The following ITPR1 variants were observed in gnomAD, a reference collection of about 807,000 sequenced individuals.
ITPR1 encodes inositol 1,4,5-trisphosphate receptor type 1.
Under a neutral mutation model 318.4 loss-of-function variants are expected in ITPR1, and 96 were observed. That is an observed-to-expected ratio of 0.30 (90% CI 0.26 to 0.36). The LOEUF (loss-of-function observed/expected upper bound fraction) is 0.36, where lower values mean the gene tolerates loss of function less well. ITPR1 is among the 10% of genes least tolerant of loss of function. The probability of loss-of-function intolerance (pLI) is 1.00; values close to 1 mark genes in which losing one functional copy is unlikely to be tolerated. For missense variants in ITPR1, 2,440 were observed against 3,460.2 expected, an observed-to-expected ratio of 0.71 and a Z score of 7.40; for synonymous variants, 1,312 against 1,289.9, an observed-to-expected ratio of 1.02 and a Z score of -0.37.
chr3:4,707,684 C>T (rs932258371), intron 37 of ITPR1, among the ~76,000 whole-genome samples: 1 of 152,054 alleles, frequency 6.6e-6, no homozygotes, highest in African/African-American at 2.4e-5. Context: ...GTGGTATAGC[C>T]ATCTTAGGAA....
intron 47 of ITPR1, among the ~76,000 whole-genome samples, chr3:4,776,672 C>T (rs1002254654): frequency 3.3e-5 from 5 of 152,144 alleles, no homozygotes; most frequent in Admixed American, 3.3e-4. Context: ...AAAAATACAA[C>T]AGGCTTGGGG....
intron 4 of ITPR1, among the ~76,000 whole-genome samples, chr3:4,532,862 T>TA (rs1339818828): frequency 2.0e-5 from 3 of 152,216 alleles, no homozygotes; most frequent in Non-Finnish European, 4.4e-5. Context: ...TAATTCTGAC[T>TA]ATTAGTGCTG....
At position 4,662,259 on chromosome 3, in the gene ITPR1, G is replaced by A. The variant is rs750743749; in HGVS notation, c.1412+17G>A. 1.3e-6 allele frequency: 2 copies of A among 1,564,880 alleles called. No individual in the cohort carries two copies. The highest frequency in any genetic ancestry group is 1.7e-6 in the Non-Finnish European group (2 of 1,153,662). On this transcript the variant is annotated intron_variant, in intron 15 of 61. Transcript: ENST00000649015. ...TGAAAGGAGGTGAGCACTCCCGCATGCTCAGCACAGCCGCCCTCCCGCACT... is the reference window on the plus strand; with the variant it reads ...TGAAAGGAGGTGAGCACTCCCGCATACTCAGCACAGCCGCCCTCCCGCACT...
intron 61 of ITPR1, among the ~76,000 whole-genome samples, chr3:4,840,333 A>T (rs983399081): frequency 6.6e-6 from 1 of 152,194 alleles, no homozygotes; most frequent in African/African-American, 2.4e-5. Flanking sequence ...TTAAAAAATA[A>T]AAGCTCCATG....
intron 48 of ITPR1, 50 bp downstream of exon 48, chr3:4,777,424 T>G (rs949514749): frequency 3.0e-5 from 36 of 1,220,216 alleles, no homozygotes; most frequent in Non-Finnish European, 8.2e-6. Context: ...CAGTCACTTT[T>G]GTGTTTTGCC....
intron 4 of ITPR1, among the ~76,000 whole-genome samples, chr3:4,584,551 G>GT (rs2089680330): frequency 1.4e-5 from 1 of 72,560 alleles, no homozygotes; most frequent in Non-Finnish European, 2.9e-5. Flanking sequence ...TGCCCAGAGA[G>GT]TTAGTGGGTT....
intron 46 of ITPR1, 46 bp downstream of exon 46, chr3:4,768,810 G>A: frequency 1.3e-6 from 2 of 1,562,924 alleles, no homozygotes; most frequent in East Asian, 4.5e-5. Context: ...GGGAAAGGCT[G>A]CCAAGGCCTG....
chr3:4,548,877 A>G (rs1259697623), intron 4 of ITPR1, among the ~76,000 whole-genome samples: 1 of 152,228 alleles, frequency 6.6e-6, no homozygotes, highest in Non-Finnish European at 1.5e-5. Context: ...ATTCTCACCT[A>G]GTCTGGGAAC....
At chr3:4,553,442 T>C (rs2125002996) in intron 4 of ITPR1, among the ~76,000 whole-genome samples, 1 of 152,156 alleles carries the variant, frequency 6.6e-6, no homozygotes, top group Non-Finnish European at 1.5e-5. Flanking sequence ...TATTATTATT[T>C]TGTTTTGAGG....
chr3:4,708,715 C>G (rs2094809752), intron 37 of ITPR1, among the ~76,000 whole-genome samples: 1 of 152,206 alleles, frequency 6.6e-6, no homozygotes, highest in Admixed American at 6.5e-5. Flanking sequence ...CAGTACTGTT[C>G]TAAGGACTTG....
At chr3:4,770,885 C>T (rs746378327) in intron 46 of ITPR1, among the ~76,000 whole-genome samples, 1 of 152,186 alleles carries the variant, frequency 6.6e-6, no homozygotes, top group Non-Finnish European at 1.5e-5. Context: ...CTCCACCTTC[C>T]ATAACCCTAC....
At chr3:4,553,216 G>T (rs569344449) in intron 4 of ITPR1, among the ~76,000 whole-genome samples, 7 of 152,100 alleles carry the variant, frequency 4.6e-5, no homozygotes, top group Non-Finnish European at 1.0e-4. Context: ...AAGGATGGGC[G>T]GGCATTAAAC....
At chr3:4,502,114 C>T (rs544686723) in intron 2 of ITPR1, among the ~76,000 whole-genome samples, 37 of 152,322 alleles carry the variant, frequency 2.4e-4, no homozygotes, top group Non-Finnish European at 1.3e-4. Flanking sequence ...ACCCAGACGA[C>T]GGACATTCAT....
chr3:4,685,596 C>T (rs2094379281), intron 30 of ITPR1, among the ~76,000 whole-genome samples: 1 of 152,232 alleles, frequency 6.6e-6, no homozygotes, highest in Non-Finnish European at 1.5e-5. Context: ...CATGTAGGAA[C>T]ATGGGATGTG....
At position 4,627,773 on chromosome 3, in the gene ITPR1, T is replaced by C. The variant is rs754623990; in HGVS notation, c.174T>C (p.Phe58=). The change falls in exon 5 of 62, where the codon TTT becomes TTC. Residue 58 remains phenylalanine, a synonymous_variant. Transcript: ENST00000649015. The part of the protein sequence containing the change: ...NPPKKFRDCL[F]KLCPMNRYSA... ...TTGCTTCACTTCTAGACTGCCTCTT[T>C]AAGCTATGTCCCATGAACCGCTACT... The C allele has an allele frequency of 2.5e-6, 4 of 1,612,532 alleles. No homozygotes were observed. The highest frequency in any genetic ancestry group is 4.5e-5 in the East Asian group (2 of 44,870).
chr3:4,512,924 C>A (rs11716573), intron 2 of ITPR1, among the ~76,000 whole-genome samples: 12,667 of 136,246 alleles, frequency 0.093, 699 homozygotes, highest in Middle Eastern at 0.18. Context: ...AGCCTGCCCT[C>A]GTGTATGTCA....
At chr3:4,618,585 T>C (rs1489579640) in intron 4 of ITPR1, among the ~76,000 whole-genome samples, 1 of 152,166 alleles carries the variant, frequency 6.6e-6, no homozygotes, top group Non-Finnish European at 1.5e-5. Flanking sequence ...CTAGAGTTAG[T>C]GATTGTCTTA....
chr3:4,587,628 T>C (rs1156634675), intron 4 of ITPR1, among the ~76,000 whole-genome samples: 1 of 152,164 alleles, frequency 6.6e-6, no homozygotes, highest in Non-Finnish European at 1.5e-5. Context: ...TGTACTCTCT[T>C]ACCCTTTCAG....
At chr3:4,671,598 C>G (rs2094086240) in intron 20 of ITPR1, 1 of 152,298 alleles carries the variant, frequency 6.6e-6, no homozygotes, top group Non-Finnish European at 1.5e-5. Flanking sequence ...TGCCACCCAC[C>G]TCCACGGTCC....
Sources: allele counts gnomAD v4.1 joint callset (sites outside exome capture counted in the v4.1 genomes callset), GRCh38; gene constraint gnomAD v4.1.1; transcripts MANE v1.5; gene names NCBI Gene and HGNC (gene_info 2026-07-23, HGNC 2026-07-21).